SAMD12: variants seen among roughly 807,000 people sequenced by gnomAD.
The protein encoded by SAMD12 is sterile alpha motif domain-containing protein 12.
A neutral mutation model predicts 15.0 loss-of-function variants in SAMD12; 9 were observed. The observed-to-expected ratio is 0.60, with a 90% CI of 0.36 to 1.05. SAMD12 has a LOEUF of 1.05. Ranked by LOEUF, SAMD12 falls within the 50% of genes least tolerant of loss-of-function variation. The pLI, the probability that SAMD12 is intolerant of heterozygous loss-of-function variation, is 0.01. For synonymous variants in SAMD12, 86 were observed against 90.1 expected (o/e 0.96, Z 0.25); for missense variants, 230 against 234.2 (o/e 0.98, Z 0.12).
chr8:118,543,640 T>TC (rs1234812853), intron 2 of SAMD12, among the ~76,000 whole-genome samples: 3 of 141,942 alleles, frequency 2.1e-5, no homozygotes, highest in South Asian at 4.5e-4. Flanking sequence ...TCTTTTTTTT[T>TC]TTTTTTTTAG....
In SAMD12 at chr8:118,210,044, G is replaced by C. The variant is rs76311842; in HGVS notation, c.434-12312C>G. Reference sequence around the variant, plus strand: ...GCTGCTATGCAGCACTTAACTTCCAGATTGCTTTCACACATTTAATTGCAT... The same window carrying C: ...GCTGCTATGCAGCACTTAACTTCCACATTGCTTTCACACATTTAATTGCAT... On this transcript the variant is annotated intron_variant, in intron 4 of 4. Coordinates refer to the SAMD12 transcript ENST00000409003. Among the ~76,000 whole-genome samples the C allele has an allele frequency of 6.2e-3, 944 of 152,324 alleles. 14 individuals carry two copies. Among genetic ancestry groups the C allele is most frequent in the African/African-American group, 0.022 (910 of 41,584 alleles).
intron 4 of SAMD12, among the ~76,000 whole-genome samples, chr8:118,335,305 G>A (rs1469981384): frequency 6.6e-6 from 1 of 152,106 alleles, no homozygotes; most frequent in Non-Finnish European, 1.5e-5. Flanking sequence ...TCTGCCATTT[G>A]TGCTTGTAAC....
intron 2 of SAMD12, among the ~76,000 whole-genome samples, chr8:118,447,024 C>A (rs907422713): frequency 5.9e-5 from 9 of 152,158 alleles, no homozygotes; most frequent in African/African-American, 2.2e-4. Flanking sequence ...TTGTAGCCTA[C>A]ATTTCATATC....
intron 2 of SAMD12, among the ~76,000 whole-genome samples, chr8:118,544,546 A>G (rs994884613): frequency 6.6e-6 from 1 of 152,218 alleles, no homozygotes; most frequent in Non-Finnish European, 1.5e-5. Flanking sequence ...AAGAGTGTAC[A>G]CGGTTGCTCC....
At chr8:118,139,997 C>A in the SAMD12 span, among the ~76,000 whole-genome samples, 1 of 152,162 alleles carries the variant, frequency 6.6e-6, no homozygotes, top group African/African-American at 2.4e-5. Flanking sequence ...ATCTTCCCAG[C>A]TGAAATCACA....
chr8:118,159,415 C>T, the SAMD12 span, among the ~76,000 whole-genome samples: 1 of 152,210 alleles, frequency 6.6e-6, no homozygotes, highest in African/African-American at 2.4e-5. Flanking sequence ...ACACACCTCT[C>T]ACCACTCTTT....
chr8:118,442,774 AAGCTAATCACAT>A (rs1439276877), intron 2 of SAMD12, among the ~76,000 whole-genome samples: 8 of 152,214 alleles, frequency 5.3e-5, no homozygotes, highest in Admixed American at 3.9e-4. Context: ...CTTGCAAGTA[AAGCTAATCACAT>A]CTTTTGAAAA....
chr8:118,396,624 A>T (rs72678111), intron 3 of SAMD12, among the ~76,000 whole-genome samples: 8,026 of 152,308 alleles, frequency 0.053, 369 homozygotes, highest in Non-Finnish European at 0.073. Context: ...GGCCCAGAAA[A>T]GTGAAGAGAT....
chr8:118,289,473 T>C (rs1018165354), intron 4 of SAMD12, among the ~76,000 whole-genome samples: 1 of 152,206 alleles, frequency 6.6e-6, no homozygotes, highest in Non-Finnish European at 1.5e-5. Flanking sequence ...TTGAATGATA[T>C]GAAGGGTCTA....
At position 118,548,841 on chromosome 8, in the gene SAMD12, G is replaced by A. The variant is rs137910783; in HGVS notation, c.192+31874C>T. 3.5e-3 allele frequency among the ~76,000 whole-genome samples: 534 copies of A among 152,262 alleles called. 2 individuals are homozygous for A. The highest frequency in any genetic ancestry group is 6.1e-3 in the Non-Finnish European group (414 of 68,010). ...TCCCACCCACATACTGTGCTTTTCC[G>A]ACAGACTTAAAAAATGGTGCACCAC... On this transcript the variant is annotated intron_variant, in intron 2 of 3. Transcript: ENST00000314727.
intron 4 of SAMD12, among the ~76,000 whole-genome samples, chr8:118,261,258 C>T (rs907820872): frequency 4.6e-5 from 7 of 152,042 alleles, no homozygotes; most frequent in South Asian, 4.1e-4. Context: ...GATAACAGAA[C>T]TAAGGTGACG....
chr8:118,494,502 C>T (rs1824545151), intron 2 of SAMD12, among the ~76,000 whole-genome samples: 2 of 152,092 alleles, frequency 1.3e-5, no homozygotes, highest in Non-Finnish European at 2.9e-5. Flanking sequence ...AATATAGAGT[C>T]CATAAGGGCA....
downstream of SAMD12, among the ~76,000 whole-genome samples, chr8:118,377,340 G>A (rs2075805830): frequency 6.6e-6 from 1 of 152,126 alleles, no homozygotes; most frequent in Non-Finnish European, 1.5e-5. Flanking sequence ...GGAGGTTGCA[G>A]TGAGCCAAGA....
chr8:118,606,070 G>A (rs1827979598), intron 1 of SAMD12, among the ~76,000 whole-genome samples: 3 of 151,994 alleles, frequency 2.0e-5, no homozygotes, highest in Non-Finnish European at 4.4e-5. Flanking sequence ...GTACTGGAGA[G>A]TCAATTAACA....
At chr8:118,193,446 TAGATTC>T (rs1457796973) in exon 5 of SAMD12, 1 of 152,240 alleles carries the variant, frequency 6.6e-6, no homozygotes, top group East Asian at 1.9e-4. Context: ...GATTCAGGAT[TAGATTC>T]AGATCTAAAA....
chr8:118,231,381 A>G (rs1812307215), intron 4 of SAMD12, among the ~76,000 whole-genome samples: 1 of 152,148 alleles, frequency 6.6e-6, no homozygotes, highest in African/African-American at 2.4e-5. Flanking sequence ...GGTCACTTCT[A>G]ATCTCAATAA....
At chr8:118,535,816 G>A (rs369071084) in intron 2 of SAMD12, among the ~76,000 whole-genome samples, 4 of 152,218 alleles carry the variant, frequency 2.6e-5, no homozygotes, top group African/African-American at 9.6e-5. Context: ...ATTAGGGTTG[G>A]AGTGACCCGA....
chr8:118,547,436 T>A (rs1031727080), intron 2 of SAMD12, among the ~76,000 whole-genome samples: 2 of 152,192 alleles, frequency 1.3e-5, no homozygotes, highest in Admixed American at 1.3e-4. Flanking sequence ...GATAAAGTAT[T>A]GGGTTGTAAT....
chr8:118,157,759 G>T, the SAMD12 span, among the ~76,000 whole-genome samples: 1 of 152,188 alleles, frequency 6.6e-6, no homozygotes, highest in Non-Finnish European at 1.5e-5. Context: ...AAATTGTAGG[G>T]CATGGAGGAC....
Sources: allele counts gnomAD v4.1 joint callset (sites outside exome capture counted in the v4.1 genomes callset), GRCh38; gene constraint gnomAD v4.1.1; transcripts MANE v1.5; gene names NCBI Gene and HGNC (gene_info 2026-07-23, HGNC 2026-07-21).